The following GANC variants were observed in gnomAD, a reference collection of about 807,000 sequenced individuals.
GANC encodes the protein neutral alpha-glucosidase C.
In GANC, 117 loss-of-function variants were observed where a neutral mutation model predicts 124.2. The ratio of observed to expected loss-of-function variants is 0.94; its 90% CI spans 0.81 to 1.10. The LOEUF (loss-of-function observed/expected upper bound fraction) is 1.10. Ranked by LOEUF, GANC falls within the 50% of genes least tolerant of loss-of-function variation. The probability of loss-of-function intolerance (pLI) is 0.00; values close to 1 mark genes in which losing one functional copy is unlikely to be tolerated. For missense variants in GANC, 1,140 were observed against 1,095.0 expected (o/e 1.04, Z -0.58); for synonymous variants, 377 against 376.8 (o/e 1.00, Z -0.01).
At chr15:42,309,607 C>T (rs555136605) in intron 8 of GANC, among the ~76,000 whole-genome samples, 7 of 152,046 alleles carry the variant, frequency 4.6e-5, no homozygotes, top group East Asian at 1.9e-4. Flanking sequence ...CGTGAGCCAC[C>T]GGCACCCAGC....
In GANC at chr15:42,329,317, C is replaced by T. The variant is rs148873546; in HGVS notation, c.1512C>T (p.Asp504=). 1.1e-5 allele frequency: 17 copies of T among 1,613,406 alleles called. No homozygotes were observed. In the Middle Eastern group the frequency reaches 6.6e-4, roughly 63 times the overall value. Residue 504 remains aspartate (D), a synonymous_variant, in exon 14 of 24, where the codon GAC becomes GAT. Transcript: ENST00000318010. ...GGTTTACTTCCTAGGGATCTACGGACATCCTCTTCCTTTGGAATGACATGA... is the reference window on the plus strand; with the variant it reads ...GGTTTACTTCCTAGGGATCTACGGATATCCTCTTCCTTTGGAATGACATGA... ...FAFPVYQGST[D]ILFLWNDMNE...
At chr15:42,309,351 G>A (rs544931742) in intron 8 of GANC, among the ~76,000 whole-genome samples, 46 of 150,456 alleles carry the variant, frequency 3.1e-4, no homozygotes, top group African/African-American at 1.1e-3. Context: ...ACAGAGTCTC[G>A]CACTGTCGCC....
chr15:42,322,117 A>T, intron 11 of GANC, 97 bp downstream of exon 11: 1 of 930,194 alleles, frequency 1.1e-6, no homozygotes, highest in South Asian at 1.7e-5. Context: ...AACATCTGAT[A>T]AAAAATGGCT....
chr15:42,327,522 C>A (rs2052207944), intron 13 of GANC, 80 bp downstream of exon 13: 2 of 1,122,412 alleles, frequency 1.8e-6, no homozygotes, highest in Admixed American at 1.9e-5. Flanking sequence ...TAAAACTATT[C>A]TTTTTCATTG....
At chr15:42,338,306 C>G in intron 15 of GANC, 83 bp from the exon 16 acceptor site, 1 of 812,750 alleles carries the variant, frequency 1.2e-6, no homozygotes, top group Non-Finnish European at 1.9e-6. Context: ...ATTAAGTTGT[C>G]TTTTACAAAT....
chr15:42,344,569 GA>G (rs1028291917), intron 19 of GANC: 15 of 152,160 alleles, frequency 9.9e-5, no homozygotes, highest in Non-Finnish European at 1.5e-5. Context: ...ACATCTTTTT[GA>G]GGGGCGACGG....
intron 3 of GANC, chr15:42,280,871 G>C (rs2051725627): frequency 1.4e-6 from 1 of 692,104 alleles, no homozygotes; most frequent in South Asian, 1.5e-5. Flanking sequence ...CTGTAGATCA[G>C]TTTCTCTTTT....
chr15:42,318,689 C>T (rs1000752793), intron 10 of GANC, among the ~76,000 whole-genome samples: 3 of 152,158 alleles, frequency 2.0e-5, no homozygotes, highest in Non-Finnish European at 4.4e-5. Flanking sequence ...TGGGCTCAAG[C>T]GATCATCACA....
chr15:42,285,662 G>A (rs2051779921), intron 3 of GANC, among the ~76,000 whole-genome samples: 1 of 152,142 alleles, frequency 6.6e-6, no homozygotes, highest in South Asian at 2.1e-4. Context: ...TGGTGTGATG[G>A]CACGCACCTG....
rs370758237 is a variant in GANC, at chr15:42,352,062, T to C, written c.2668T>C (p.Cys890Arg). 107 of 1,614,080 alleles carry C rather than the reference T, an allele frequency of 6.6e-5. No individual in the cohort carries two copies. Among genetic ancestry groups the C allele is most frequent in the African/African-American group, 1.2e-4 (9 of 74,940 alleles). Residue 890 changes from cysteine (C) to arginine (R), a missense_variant, in exon 24 of 24, where the codon TGT becomes CGT. Physicochemically the swap from Cys to Arg is radical, Grantham distance 180. Transcript: ENST00000318010. The stretch of plus-strand genomic sequence containing the variant: ...AGATCAGCCTGTGGCTTTTACGTAT[T>C]GTGCCAAAACATCCATCCTGAGCCT... ...GKDQPVAFTY[C>R]AKTSILSLEK...
chr15:42,324,544 T>G (rs1308450412), intron 11 of GANC, among the ~76,000 whole-genome samples: 1 of 152,116 alleles, frequency 6.6e-6, no homozygotes, highest in Non-Finnish European at 1.5e-5. Context: ...GCTGCTTGGG[T>G]TGCAACTCCA....
At chr15:42,321,761 T>C in intron 10 of GANC, 24 bp from the exon 11 acceptor site, 1 of 1,586,286 alleles carries the variant, frequency 6.3e-7, no homozygotes, top group South Asian at 1.1e-5. Context: ...GGCAGTTGAC[T>C]CAGTTGTCAT....
At chr15:42,321,692 G>A (rs2052158571) in intron 10 of GANC, 93 bp from the exon 11 acceptor site, 2 of 1,079,320 alleles carry the variant, frequency 1.9e-6, no homozygotes, top group African/African-American at 1.5e-5. Context: ...TAAGCTCAGT[G>A]CTGAATACTC....
rs974719216 is a variant in GANC at position 42,274,039 on chromosome 15, G to GA, written c.-442dup. ...CCACCCTTAACCGAAAACGGAGACAGAGAGGGTCAGTTTTCAAAATCTGTG... is the reference window on the plus strand; with the variant it reads ...CCACCCTTAACCGAAAACGGAGACAGAAGAGGGTCAGTTTTCAAAATCTGTG... On this transcript the variant is annotated 5_prime_UTR_variant, in exon 1 of 24. Coordinates refer to ENST00000318010, the MANE Select transcript of GANC (RefSeq NM_198141.3). 8.3e-6 allele frequency: 2 copies of GA among 240,988 alleles called. No individual in the cohort carries two copies. The highest frequency in any genetic ancestry group is 4.8e-5 in the African/African-American group (2 of 42,034). 14.9% of individuals were successfully genotyped at this position (240,988 alleles called of 1,614,324 possible). A position where few individuals can be genotyped will look rare whatever the true frequency, so the allele number is the denominator to read the frequency against.
intron 4 of GANC, among the ~76,000 whole-genome samples, chr15:42,290,359 G>T (rs913106283): frequency 2.6e-5 from 4 of 152,198 alleles, no homozygotes; most frequent in Admixed American, 2.6e-4. Context: ...TCAGAAGATT[G>T]TTAATTTTCT....
At position 42,330,729 on chromosome 15, in the gene GANC, T is replaced by C. The variant is rs115459509; in HGVS notation, c.1741+57T>C. Reference sequence around the variant, plus strand: ...ACATTAGCAACTTTTTTTTTAACCATTTATAGAATGTGATGTTACTGTGCT... The same window carrying C: ...ACATTAGCAACTTTTTTTTTAACCACTTATAGAATGTGATGTTACTGTGCT... On this transcript the variant is annotated intron_variant, in intron 15 of 23. Transcript: ENST00000318010. 1.6e-3 allele frequency: 1,841 copies of C among 1,137,152 alleles called. 23 individuals are homozygous for C. In the African/African-American group the frequency reaches 0.026, roughly 16 times the overall value. 70.4% of individuals were successfully genotyped at this position (1,137,152 alleles called of 1,614,324 possible).
Position 42,353,653 on chromosome 15 carries a change from T to G in GANC, c.*1514T>G. 1.0e-6 allele frequency: 1 copy of G among 985,506 alleles called. No individual in the cohort carries two copies. The highest frequency in any genetic ancestry group is 1.2e-6 in the Non-Finnish European group (1 of 829,760). The allele number at this position is 985,506 out of a possible 1,614,324, so 61.0% of individuals were successfully genotyped here. On this transcript the variant is annotated 3_prime_UTR_variant, in exon 24 of 24. Transcript: ENST00000318010. The stretch of plus-strand genomic sequence containing the variant: ...TGGTGGATTTAATTGATTAAAAAAT[T>G]ACGATTGAATGTATTTCCATCTGAT...
chr15:42,328,614 C>T (rs1393574855), intron 13 of GANC, among the ~76,000 whole-genome samples: 2 of 151,606 alleles, frequency 1.3e-5, no homozygotes, highest in Non-Finnish European at 2.9e-5. Context: ...GTAGGCTCTG[C>T]GAGGGGAATG....
intron 4 of GANC, 125 bp from the exon 5 acceptor site, chr15:42,292,608 CTG>C (rs2051850489): frequency 5.7e-6 from 5 of 879,986 alleles, no homozygotes; most frequent in Admixed American, 2.9e-5. Flanking sequence ...TAACTTTTCT[CTG>C]TTGCCTTATC....
Sources: gnomAD v4.1 joint callset for allele counts (sites outside exome capture counted in the v4.1 genomes callset) on GRCh38, gnomAD v4.1.1 for gene constraint, MANE v1.5 for transcripts, NCBI Gene and HGNC (gene_info 2026-07-23, HGNC 2026-07-21) for gene names.